Variants in LHFPL1 observed in about 807,000 individuals in gnomAD.
The protein encoded by LHFPL1 is LHFPL tetraspan subfamily member 1.
LHFPL1 carries 4 observed loss-of-function variants against 12.1 expected under a neutral mutation model. The observed-to-expected ratio is 0.33, with a 90% CI of 0.16 to 0.76. The LOEUF (loss-of-function observed/expected upper bound fraction) is 0.76. LHFPL1 is among the 30% of genes least tolerant of loss of function. LHFPL1 has a pLI of 0.61. For synonymous variants in LHFPL1, 52 were observed against 61.9 expected (o/e 0.84, Z 0.75); for missense variants, 141 against 174.1 (o/e 0.81, Z 1.07).
At chrX:112,646,364 G>A (rs1350677599) in intron 3 of LHFPL1, among the ~76,000 whole-genome samples, 5 of 89,981 alleles carry the variant, frequency 5.6e-5, no homozygotes, top group African/African-American at 2.0e-4. Context: ...GAGGGGGGGT[G>A]CGGGGGCTGG....
rs1488913989 is a variant in LHFPL1, at chrX:112,656,058, A to C, written c.481+4569T>G. 4.5e-5 allele frequency among the ~76,000 whole-genome samples: 5 copies of C among 112,167 alleles called. No homozygotes were observed. In the East Asian group the frequency reaches 1.4e-3, roughly 31 times the overall value. ...ACCAAAAGTCAATGAACACATCACA[A>C]GAAAAGAAATATACAGGTCAATATC... is the stretch of plus-strand genomic sequence containing the variant. On this transcript the variant is annotated intron_variant, in intron 3 of 3. Transcript: ENST00000371968.
intron 2 of LHFPL1, among the ~76,000 whole-genome samples, chrX:112,663,550 C>A (rs1199754710): frequency 9.0e-6 from 1 of 111,569 alleles, no homozygotes; most frequent in Non-Finnish European, 1.9e-5. Context: ...TTGGACATAA[C>A]CTACGCTAAT....
At chrX:112,679,577 G>A (rs1416204686) in intron 1 of LHFPL1, among the ~76,000 whole-genome samples, 2 of 111,392 alleles carry the variant, frequency 1.8e-5, no homozygotes, top group Non-Finnish European at 3.8e-5. Context: ...TAACCCTTAG[G>A]TCCTCAAATC....
At chrX:112,651,478 G>A (rs1014319941) in intron 3 of LHFPL1, among the ~76,000 whole-genome samples, 9 of 111,332 alleles carry the variant, frequency 8.1e-5, no homozygotes, top group African/African-American at 2.6e-4. Flanking sequence ...GCTCCAGACT[G>A]CTTGCTTGAC....
intron 3 of LHFPL1, among the ~76,000 whole-genome samples, chrX:112,657,605 G>A (rs1273839184): frequency 8.9e-6 from 1 of 111,902 alleles, no homozygotes; most frequent in East Asian, 2.8e-4. Context: ...GGAATAGAAC[G>A]AAGAATCCAG....
At chrX:112,632,585 T>C (rs1319344688) in intron 3 of LHFPL1, among the ~76,000 whole-genome samples, 1 of 111,950 alleles carries the variant, frequency 8.9e-6, no homozygotes, top group African/African-American at 3.2e-5. Flanking sequence ...CTTTCACCTA[T>C]CTCTCTCTAT....
intron 3 of LHFPL1, among the ~76,000 whole-genome samples, chrX:112,658,854 C>T (rs1931089893): frequency 9.0e-6 from 1 of 110,999 alleles, no homozygotes; most frequent in Non-Finnish European, 1.9e-5. Flanking sequence ...TAATAATAGC[C>T]AAAAAGTAGA....
chrX:112,645,482 A>G (rs1161156309), intron 3 of LHFPL1, among the ~76,000 whole-genome samples: 1 of 112,053 alleles, frequency 8.9e-6, no homozygotes, highest in Non-Finnish European at 1.9e-5. Context: ...ACTATGTACC[A>G]AATACTATAC....
At chrX:112,669,679 G>A (rs1931436642) in intron 2 of LHFPL1, among the ~76,000 whole-genome samples, 1 of 112,069 alleles carries the variant, frequency 8.9e-6, no homozygotes, top group African/African-American at 3.2e-5. Flanking sequence ...CATTTTGGCT[G>A]GATACCTCTT....
intron 3 of LHFPL1, among the ~76,000 whole-genome samples, chrX:112,645,867 C>T (rs1003986212): frequency 4.5e-5 from 5 of 111,585 alleles, no homozygotes; most frequent in African/African-American, 1.6e-4. Context: ...TGCAAGGAGC[C>T]TTTACCTGTT....
intron 3 of LHFPL1, among the ~76,000 whole-genome samples, chrX:112,635,697 T>C (rs926671173): frequency 8.9e-5 from 10 of 111,874 alleles, no homozygotes; most frequent in Admixed American, 2.9e-4. Context: ...CTGGGAAAAT[T>C]TGAGCTCAGG....
chrX:112,671,568 A>G, intron 1 of LHFPL1, 164 bp from the exon 2 acceptor site: 1 of 1,089,714 alleles, frequency 9.2e-7, no homozygotes, highest in East Asian at 3.2e-5. Context: ...GACCATTTGG[A>G]TCCCTGTGGG....
intron 1 of LHFPL1, among the ~76,000 whole-genome samples, chrX:112,677,582 G>T (rs1418678859): frequency 9.1e-6 from 1 of 109,481 alleles, no homozygotes; most frequent in Non-Finnish European, 1.9e-5. Context: ...AAACGTGTTG[G>T]ACCGATGTGA....
At chrX:112,636,241 TATTA>T (rs1930335153) in intron 3 of LHFPL1, among the ~76,000 whole-genome samples, 1 of 111,061 alleles carries the variant, frequency 9.0e-6, no homozygotes, top group East Asian at 2.8e-4. Flanking sequence ...TGCCTGGAAA[TATTA>T]ACCTGAAAGG....
intron 3 of LHFPL1, among the ~76,000 whole-genome samples, chrX:112,655,850 T>G (rs1429230040): frequency 8.9e-6 from 1 of 111,940 alleles, no homozygotes; most frequent in Non-Finnish European, 1.9e-5. Context: ...ATTACAAGCA[T>G]GAGCCACTGC....
chrX:112,640,612 T>A (rs1239194650), intron 3 of LHFPL1, among the ~76,000 whole-genome samples: 3 of 112,057 alleles, frequency 2.7e-5, no homozygotes, highest in Admixed American at 9.5e-5. Flanking sequence ...AAGGCGTTGA[T>A]GTGCAGTACC....
chrX:112,658,697 G>T (rs944434041), intron 3 of LHFPL1, among the ~76,000 whole-genome samples: 1 of 111,340 alleles, frequency 9.0e-6, no homozygotes, highest in Non-Finnish European at 1.9e-5. Flanking sequence ...GTAAAATGAT[G>T]CAGTCATTCT....
Position 112,634,232 on chromosome X carries a change from C to T in LHFPL1, c.482-2631G>A, listed in dbSNP as rs758936635. ...TACTCCCAATTCAGTGCTCTGCCCT[C>T]TGCAGTTTTGTTTTCATCACACCCA... On this transcript the variant is annotated intron_variant, in intron 3 of 3. Transcript: ENST00000371968. Among the ~76,000 whole-genome samples, 224 of 111,443 alleles carry T rather than the reference C, an allele frequency of 2.0e-3. 1 individual carries two copies. Among genetic ancestry groups the T allele is most frequent in the African/African-American group, 7.1e-3 (219 of 30,662 alleles).
At chrX:112,645,106 C>T (rs1930648172) in intron 3 of LHFPL1, among the ~76,000 whole-genome samples, 1 of 112,110 alleles carries the variant, frequency 8.9e-6, no homozygotes, top group African/African-American at 3.2e-5. Context: ...CTGGGGCATC[C>T]CCTCCAAAAA....
Sources: gnomAD v4.1 joint callset for allele counts (sites outside exome capture counted in the v4.1 genomes callset) on GRCh38, gnomAD v4.1.1 for gene constraint, MANE v1.5 for transcripts, NCBI Gene and HGNC (gene_info 2026-07-23, HGNC 2026-07-21) for gene names.